The following NARF variants were observed in gnomAD, a reference collection of about 807,000 sequenced individuals.
The protein encoded by NARF is nuclear prelamin A recognition factor, also known as iron-only hydrogenase-like protein 2.
In NARF, 41 loss-of-function variants were observed where a neutral mutation model predicts 48.0. That is an observed-to-expected ratio of 0.85 (90% confidence interval 0.66 to 1.11). The LOEUF is 1.11. Ranked by LOEUF, NARF falls within the 50% of genes least tolerant of loss-of-function variation. The pLI, the probability that NARF is intolerant of heterozygous loss-of-function variation, is 0.00. For missense variants in NARF, 613 were observed against 590.2 expected (o/e 1.04, Z -0.40); for synonymous variants, 215 against 225.5 (o/e 0.95, Z 0.42).
intron 6 of NARF, chr17:82,479,124 C>G (rs1599845549): frequency 4.2e-6 from 2 of 476,230 alleles, no homozygotes; most frequent in Non-Finnish European, 7.4e-6. Context: ...CAACCTTTTT[C>G]TTTCTTCTTA....
rs1415342541 is a variant in NARF at position 82,460,061 on chromosome 17, G to C, written c.97G>C (p.Glu33Gln). ...AGCCGATGCACCGAGTCCAGCCCAG[G>C]AAAATGGAGAGGCAAGTAGATTTTT... is the stretch of plus-strand genomic sequence containing the variant. ...VSADAPSPAQ[E>Q]NGEKGEFHKL... is the part of the protein sequence containing the mutation. The change falls in exon 2 of 11, where the codon GAA becomes CAA. Residue 33 changes from glutamate (E) to glutamine (Q), a missense_variant. Coordinates refer to ENST00000309794, the MANE Select transcript of NARF (RefSeq NM_012336.4). 3 of 1,613,778 alleles carry C rather than the reference G, an allele frequency of 1.9e-6. No individual in the cohort carries two copies. The South Asian group carries it at 3.3e-5, about 18-fold the overall frequency.
intron 10 of NARF, 39 bp downstream of exon 10, chr17:82,485,693 G>A (rs745354869): frequency 7.5e-6 from 12 of 1,609,566 alleles, no homozygotes; most frequent in East Asian, 2.2e-5. Context: ...TGTCTCCCAC[G>A]GGTGCTCAGG....
intron 7 of NARF, chr17:82,482,058 C>T (rs61415604): frequency 0.013 from 3,760 of 295,480 alleles, 145 homozygotes; most frequent in African/African-American, 0.083. Context: ...ATGTAGAACC[C>T]ATTCAGAAGA....
intron 2 of NARF, 61 bp downstream of exon 2, chr17:82,460,133 T>C (rs1472870279): frequency 7.0e-7 from 1 of 1,432,390 alleles, no homozygotes; most frequent in Admixed American, 1.7e-5. Context: ...GTTTTTCTCT[T>C]TGGGGGCTCA....
chr17:82,478,678 G>T, intron 5 of NARF, 122 bp from the exon 6 acceptor site: 1 of 1,025,466 alleles, frequency 9.8e-7, no homozygotes, highest in South Asian at 1.3e-5. Flanking sequence ...GTAAGGCCTG[G>T]GGAAAAGGTG....
chr17:82,472,740 A>G, intron 5 of NARF, 42 bp downstream of exon 5: 1 of 1,585,986 alleles, frequency 6.3e-7, no homozygotes. Context: ...GAGGTGCCAA[A>G]AGAGGTTTCA....
intron 2 of NARF, chr17:82,460,915 A>ATTTTTTTTTTTTTT (rs137987200): frequency 6.7e-6 from 1 of 149,618 alleles, no homozygotes; most frequent in African/African-American, 2.5e-5. Flanking sequence ...TCTTCTTTTA[A>ATTTTTTTTTTTTTT]TTTTTTTTTT....
At position 82,485,480 on chromosome 17, in the gene NARF, CTG is replaced by C. The variant is rs1342519879; in HGVS notation, c.972-13_972-12del. 3 of 1,612,586 alleles carry C rather than the reference CTG, an allele frequency of 1.9e-6. No homozygotes were observed. Among genetic ancestry groups the C allele is most frequent in the African/African-American group, 1.3e-5 (1 of 74,964 alleles). On this transcript the variant is annotated splice_polypyrimidine_tract_variant and intron_variant, in intron 9 of 10. Transcript: ENST00000309794. ...AAAGGACTTGATGGATCAAAATTCT[CTG>C]TGTTCATTTTGTAGAAACAAAGACT...
intron 2 of NARF, chr17:82,463,584 G>A (rs1157635945): frequency 6.5e-6 from 1 of 152,678 alleles, no homozygotes; most frequent in Non-Finnish European, 1.5e-5. Context: ...TGGAGACCAA[G>A]GGGGCTGTGA....
chr17:82,476,979 C>T (rs2043846651), intron 5 of NARF: 1 of 152,016 alleles, frequency 6.6e-6, no homozygotes, highest in Non-Finnish European at 1.5e-5. Flanking sequence ...GATCCACCCG[C>T]CTCGGCCTCC....
At chr17:82,458,909 G>GC in intron 1 of NARF, 79 bp downstream of exon 1, 1 of 1,284,396 alleles carries the variant, frequency 7.8e-7, no homozygotes, top group South Asian at 2.5e-5. Context: ...GGCGGTCCGG[G>GC]CCCGCCGCTC....
intron 5 of NARF, among the ~76,000 whole-genome samples, chr17:82,475,005 C>T (rs2043802396): frequency 6.6e-6 from 1 of 152,182 alleles, no homozygotes; most frequent in Non-Finnish European, 1.5e-5. Flanking sequence ...ACATTCAGCT[C>T]TTGTGGCATT....
intron 6 of NARF, 196 bp from the exon 7 acceptor site, chr17:82,480,886 C>CATG: frequency 1.5e-6 from 1 of 661,858 alleles, no homozygotes; most frequent in Non-Finnish European, 2.5e-6. Flanking sequence ...GAGCTGAGAT[C>CATG]ACGCCACTGC....
In NARF at chr17:82,483,774, C is replaced by T; in HGVS notation, c.828C>T (p.Asp276=). Residue 276 remains aspartate (D), a synonymous_variant, in exon 8 of 11, where the codon GAC becomes GAT. Transcript: ENST00000309794. ...TCTCAGTGAGAGATGCTGCCGTCGA[C>T]ACTCTGTAAGTGGCTTCTCTGGGGA... ...GDLSVRDAAV[D]TLFGDLKEDK... is the part of the protein sequence containing the mutation. The T allele has an allele frequency of 6.2e-7, 1 of 1,613,618 alleles. No individual in the cohort carries two copies. Among genetic ancestry groups the T allele is most frequent in the Non-Finnish European group, 8.5e-7 (1 of 1,179,968 alleles).
At chr17:82,483,347 A>G (rs1567945325) in intron 7 of NARF, 2 of 314,006 alleles carry the variant, frequency 6.4e-6, no homozygotes, top group Admixed American at 4.6e-5. Context: ...ACCAGTGTAT[A>G]TTTCATCATC....
chr17:82,489,553 G>C lies in NARF; in HGVS notation c.*1396G>C, dbSNP rs919654208. On this transcript the variant is annotated 3_prime_UTR_variant, in exon 11 of 11. Coordinates refer to ENST00000309794, the MANE Select transcript of NARF (RefSeq NM_012336.4). ...CCTGAGGGGTTGAGGATATTCAGGT[G>C]GTCCAGCCTCCCGCAGAAGACTTCC... is the stretch of plus-strand genomic sequence containing the variant. 6.6e-6 allele frequency: 1 copy of C among 152,332 alleles called. No individual in the cohort carries two copies. The highest frequency in any genetic ancestry group is 1.5e-5 in the Non-Finnish European group (1 of 68,140). The allele number at this position is 152,332 out of a possible 1,614,324, so 9.4% of individuals were successfully genotyped here.
intron 10 of NARF, 119 bp from the exon 11 acceptor site, chr17:82,487,797 C>CAACA: frequency 1.2e-5 from 6 of 505,658 alleles, no homozygotes; most frequent in East Asian, 6.4e-5. Flanking sequence ...CCAATCTCTA[C>CAACA]AAAAAATTTA....
chr17:82,472,936 TTTATTTTTA>T (rs1377583987), intron 5 of NARF, among the ~76,000 whole-genome samples: 1 of 151,688 alleles, frequency 6.6e-6, no homozygotes, highest in Non-Finnish European at 1.5e-5. Context: ...TTAATTTTAT[TTTATTTTTA>T]TTATTTTTTT....
At chr17:82,480,080 T>TA (rs1567942358) in intron 6 of NARF, 3 of 188,804 alleles carry the variant, frequency 1.6e-5, no homozygotes, top group African/African-American at 7.0e-5. Context: ...AGGGGCGGGT[T>TA]TCCTCTTTTG....
Sources: allele counts gnomAD v4.1 joint callset (sites outside exome capture counted in the v4.1 genomes callset), GRCh38; gene constraint gnomAD v4.1.1; transcripts MANE v1.5; gene names NCBI Gene and HGNC (gene_info 2026-07-23, HGNC 2026-07-21).